The following DNAH11 variants were observed in gnomAD, a reference collection of about 807,000 sequenced individuals.
DNAH11 encodes the protein axonemal beta dynein heavy chain 11.
A neutral mutation model predicts 526.0 loss-of-function variants in DNAH11; 442 were observed. The observed-to-expected ratio is 0.84, with a 90% CI of 0.78 to 0.91. DNAH11 has a LOEUF of 0.91. DNAH11 is among the 40% of genes least tolerant of loss of function. The pLI is 0.00. For synonymous variants in DNAH11, 2,461 were observed against 1,935.9 expected (o/e 1.27, Z -7.12); for missense variants, 6,989 against 5,448.7 (o/e 1.28, Z -8.90).
chr7:21,868,297 T>C (rs1783364341), intron 72 of DNAH11, among the ~76,000 whole-genome samples: 1 of 151,936 alleles, frequency 6.6e-6, no homozygotes, highest in African/African-American at 2.4e-5. Context: ...TGTAATCTTG[T>C]GCCCCCTGTG....
chr7:21,578,545 A>G (rs1784188902), intron 8 of DNAH11, among the ~76,000 whole-genome samples: 1 of 152,108 alleles, frequency 6.6e-6, no homozygotes. Flanking sequence ...CTGTCAGTGG[A>G]TCTCCCATTC....
intron 75 of DNAH11, among the ~76,000 whole-genome samples, chr7:21,881,180 G>A (rs1331832629): frequency 6.6e-6 from 1 of 152,160 alleles, no homozygotes; most frequent in African/African-American, 2.4e-5. Flanking sequence ...GTTTACATGT[G>A]CGTATATGCC....
In DNAH11 at chr7:21,543,609, G is replaced by C. The variant is rs1309314175; in HGVS notation, c.351+13G>C. The C allele has an allele frequency of 1.9e-6, 3 of 1,573,864 alleles. No individual in the cohort carries two copies. Among genetic ancestry groups the C allele is most frequent in the Non-Finnish European group, 2.6e-6 (3 of 1,159,180 alleles). On this transcript the variant is annotated intron_variant, in intron 1 of 81. Coordinates refer to ENST00000409508, the MANE Select transcript of DNAH11 (RefSeq NM_001277115.2). ...GGCTTCCCAGGAGGTAAGAGGCGAC[G>C]GGCAAGGGGACCTGCCCATCCAACA... is the stretch of plus-strand genomic sequence containing the variant.
Position 21,724,671 on chromosome 7 carries a change from T to A in DNAH11, c.7267-1140T>A, listed in dbSNP as rs1019675875. Among the ~76,000 whole-genome samples, 6 of 145,936 alleles carry A rather than the reference T, an allele frequency of 4.1e-5. 1 individual carries two copies. The highest frequency in any genetic ancestry group is 2.8e-4 in the Admixed American group (4 of 14,438). ...TCGCTGAGCCAGGTCATCCTATGAA[T>A]ATAGGAAACACTGGGCCAGGTCATC... On this transcript the variant is annotated intron_variant, in intron 44 of 81. Coordinates refer to ENST00000409508, the MANE Select transcript of DNAH11 (RefSeq NM_001277115.2).
chr7:21,769,694 A>C lies in DNAH11; in HGVS notation c.9103-4072A>C, dbSNP rs546729140. On this transcript the variant is annotated intron_variant, in intron 55 of 81. Coordinates refer to ENST00000409508, the MANE Select transcript of DNAH11 (RefSeq NM_001277115.2). Reference sequence around the variant, plus strand: ...GAGACAGGGTTTCACCATGTTGCCCAGGCTGGTCTCAAACTCTTGACCTCG... The same window carrying C: ...GAGACAGGGTTTCACCATGTTGCCCCGGCTGGTCTCAAACTCTTGACCTCG... 2.6e-5 allele frequency among the ~76,000 whole-genome samples: 4 copies of C among 152,042 alleles called. No individual in the cohort carries two copies. In the South Asian group the frequency reaches 8.3e-4, roughly 32 times the overall value.
chr7:21,756,112 T>C (rs1172889642), intron 54 of DNAH11, among the ~76,000 whole-genome samples: 1 of 152,072 alleles, frequency 6.6e-6, no homozygotes, highest in Non-Finnish European at 1.5e-5. Flanking sequence ...AAGGCTTTTT[T>C]AGGAAGCAAT....
chr7:21,569,162 A>C (rs1188199218), intron 6 of DNAH11, among the ~76,000 whole-genome samples: 1 of 152,224 alleles, frequency 6.6e-6, no homozygotes, highest in Non-Finnish European at 1.5e-5. Flanking sequence ...TCATATGCCT[A>C]CATTTAGGGA....
intron 20 of DNAH11, among the ~76,000 whole-genome samples, chr7:21,608,809 A>C (rs1431255278): frequency 6.8e-6 from 1 of 146,438 alleles, no homozygotes; most frequent in Non-Finnish European, 1.5e-5. Flanking sequence ...ATACTATAAC[A>C]GCATGTAGTT....
In DNAH11 at chr7:21,816,482, A is replaced by G. The variant is rs772431470; in HGVS notation, c.10348A>G (p.Thr3450Ala). The G allele has an allele frequency of 1.2e-5, 20 of 1,606,852 alleles. No individual in the cohort carries two copies. The highest frequency in any genetic ancestry group is 1.7e-5 in the Non-Finnish European group (20 of 1,176,900). ...FLQQKVSIPL[T>A]EGLDLISMLT... ...GATTTTAAAGGTTTCCATTCCACTA[A>G]CCGAAGGCCTGGACTTGATATCCAT... The change falls in exon 64 of 82, where the codon ACC becomes GCC. Residue 3450 changes from threonine to alanine, a missense_variant. Coordinates refer to ENST00000409508, the MANE Select transcript of DNAH11 (RefSeq NM_001277115.2).
In DNAH11 at chr7:21,710,679, G is replaced by A. The variant is rs774852383; in HGVS notation, c.6810G>A (p.Leu2270=). ...TTGACCCCATGTGGATTGAATCACTGAATACTGTAATGGATGATAACAAGG... is the reference window on the plus strand; with the variant it reads ...TTGACCCCATGTGGATTGAATCACTAAATACTGTAATGGATGATAACAAGG... ...GDIDPMWIES[L]NTVMDDNKVL... is the part of the protein sequence containing the mutation. Residue 2270 remains leucine, a synonymous_variant, in exon 41 of 82, where the codon CTG becomes CTA. Transcript: ENST00000409508. 21 of 1,612,594 alleles carry A rather than the reference G, an allele frequency of 1.3e-5. No individual in the cohort carries two copies. Among genetic ancestry groups the A allele is most frequent in the Non-Finnish European group, 1.8e-5 (21 of 1,179,336 alleles).
At chr7:21,630,601 A>G (rs943403373) in intron 25 of DNAH11, among the ~76,000 whole-genome samples, 1 of 152,178 alleles carries the variant, frequency 6.6e-6, no homozygotes, top group Admixed American at 6.5e-5. Flanking sequence ...ATTCTTGGTT[A>G]GTAGGGGTTT....
At chr7:21,816,041 C>T (rs2214325) in intron 63 of DNAH11, among the ~76,000 whole-genome samples, 61,509 of 151,776 alleles carry the variant, frequency 0.41, 13,317 homozygotes, top group East Asian at 0.82. Context: ...CTTTGTAGCA[C>T]TGGTCTGTAG....
At chr7:21,841,808 G>A (rs1174017427) in intron 65 of DNAH11, among the ~76,000 whole-genome samples, 1 of 152,130 alleles carries the variant, frequency 6.6e-6, no homozygotes, top group Non-Finnish European at 1.5e-5. Context: ...ACAAATGCAC[G>A]ACACTGAACA....
intron 70 of DNAH11, among the ~76,000 whole-genome samples, chr7:21,865,933 G>C (rs371399532): frequency 6.6e-6 from 1 of 152,176 alleles, no homozygotes; most frequent in Non-Finnish European, 1.5e-5. Context: ...TTTGTAAACT[G>C]TATGGCACTG....
At chr7:21,816,419 T>C (rs757551076) in intron 63 of DNAH11, 48 bp from the exon 64 acceptor site, 6 of 1,426,218 alleles carry the variant, frequency 4.2e-6, no homozygotes, top group Non-Finnish European at 5.8e-6. Flanking sequence ...GTCTGTCTTC[T>C]CTCTCTGCCA....
chr7:21,844,562 A>T (rs1782342029), intron 66 of DNAH11, among the ~76,000 whole-genome samples: 2 of 152,234 alleles, frequency 1.3e-5, no homozygotes, highest in Non-Finnish European at 2.9e-5. Flanking sequence ...AGTATTTATT[A>T]TCTGGCCCTT....
At chr7:21,555,778 G>T (rs2128429363) in intron 2 of DNAH11, among the ~76,000 whole-genome samples, 1 of 152,270 alleles carries the variant, frequency 6.6e-6, no homozygotes, top group East Asian at 1.9e-4. Flanking sequence ...CCTCTGCAGG[G>T]ATCCAGGACG....
chr7:21,688,160 C>T (rs1217490651), intron 34 of DNAH11, among the ~76,000 whole-genome samples: 1 of 152,156 alleles, frequency 6.6e-6, no homozygotes, highest in Non-Finnish European at 1.5e-5. Context: ...GTTGGTTATT[C>T]TCCACTGCAT....
intron 30 of DNAH11, among the ~76,000 whole-genome samples, chr7:21,662,831 T>A (rs552298776): frequency 3.6e-4 from 55 of 152,268 alleles, no homozygotes; most frequent in African/African-American, 1.3e-3. Flanking sequence ...AAAATTTTTT[T>A]AAATTTTATT....
Sources: allele counts gnomAD v4.1 joint callset (sites outside exome capture counted in the v4.1 genomes callset), GRCh38; gene constraint gnomAD v4.1.1; transcripts MANE v1.5; gene names NCBI Gene and HGNC (gene_info 2026-07-23, HGNC 2026-07-21).